The following SLC35F4 variants were observed in gnomAD, a reference collection of about 807,000 sequenced individuals.
SLC35F4 encodes the protein solute carrier family 35 member F4.
SLC35F4 carries 24 observed loss-of-function variants against 44.2 expected under a neutral mutation model. The ratio of observed to expected loss-of-function variants is 0.54; its 90% confidence interval spans 0.39 to 0.76. SLC35F4 has a LOEUF of 0.76. SLC35F4 is among the 30% of genes least tolerant of loss of function. The pLI is 0.00. For missense variants in SLC35F4, 562 were observed against 586.1 expected, an observed-to-expected ratio of 0.96 and a Z score of 0.42; for synonymous variants, 238 against 223.6, an observed-to-expected ratio of 1.06 and a Z score of -0.57.
At chr14:57,725,340 T>C (rs1232655655) in intron 1 of SLC35F4, among the ~76,000 whole-genome samples, 1 of 152,176 alleles carries the variant, frequency 6.6e-6, no homozygotes, top group Admixed American at 6.5e-5. Flanking sequence ...CACTGAGCCC[T>C]CGATATGGCA....
intron 1 of SLC35F4, among the ~76,000 whole-genome samples, chr14:57,894,444 C>A (rs772665786): frequency 8.5e-4 from 129 of 152,088 alleles, no homozygotes; most frequent in Non-Finnish European, 1.7e-3. Context: ...AACATGATAA[C>A]CTTTGAAAGA....
chr14:57,964,987 A>ATATAT (rs1241968437), intron 1 of SLC35F4, among the ~76,000 whole-genome samples: 33 of 131,408 alleles, frequency 2.5e-4, no homozygotes, highest in East Asian at 1.8e-3. Flanking sequence ...AAAAAAAAAA[A>ATATAT]AAAAATATAT....
intron 1 of SLC35F4, among the ~76,000 whole-genome samples, chr14:57,877,624 A>G (rs1595262759): frequency 6.8e-6 from 1 of 147,960 alleles, no homozygotes; most frequent in African/African-American, 2.5e-5. Flanking sequence ...CCAGTAGTAT[A>G]TAAGTGTTCC....
At chr14:57,927,220 C>A (rs1245088857) in intron 1 of SLC35F4, among the ~76,000 whole-genome samples, 1 of 152,150 alleles carries the variant, frequency 6.6e-6, no homozygotes, top group Non-Finnish European at 1.5e-5. Context: ...GAAGTGGTAG[C>A]TATTAAAGCT....
At chr14:57,966,920 G>C (rs1435203145) in intron 1 of SLC35F4, among the ~76,000 whole-genome samples, 1 of 151,980 alleles carries the variant, frequency 6.6e-6, no homozygotes, top group Non-Finnish European at 1.5e-5. Context: ...CGAGGCAGGA[G>C]AATCGCTTGA....
chr14:57,578,543 G>A (rs2068989866), intron 4 of SLC35F4: 1 of 151,654 alleles, frequency 6.6e-6, no homozygotes, highest in African/African-American at 2.4e-5. Context: ...ACTGTCAAAG[G>A]CAAAATGCTG....
chr14:57,582,998 G>T (rs2069404271), intron 3 of SLC35F4, among the ~76,000 whole-genome samples: 1 of 152,226 alleles, frequency 6.6e-6, no homozygotes, highest in African/African-American at 2.4e-5. Flanking sequence ...AAAGACATGT[G>T]TTGCACACAC....
intron 1 of SLC35F4, among the ~76,000 whole-genome samples, chr14:57,894,231 T>C (rs1264762274): frequency 1.2e-4 from 19 of 152,132 alleles, no homozygotes; most frequent in Admixed American, 9.8e-4. Context: ...AAGCACTATA[T>C]GAAATTGAGT....
chr14:57,738,839 G>A (rs1408886570), intron 1 of SLC35F4, among the ~76,000 whole-genome samples: 1 of 140,020 alleles, frequency 7.1e-6, no homozygotes, highest in Non-Finnish European at 1.5e-5. Context: ...TATAAGTACT[G>A]TATATATATA....
At chr14:57,768,984 C>T (rs541798768) in intron 1 of SLC35F4, among the ~76,000 whole-genome samples, 5 of 152,248 alleles carry the variant, frequency 3.3e-5, no homozygotes, top group African/African-American at 1.2e-4. Flanking sequence ...AACTCCCAAC[C>T]TCAACTGATT....
intron 1 of SLC35F4, among the ~76,000 whole-genome samples, chr14:57,740,006 T>C (rs565421846): frequency 1.6e-4 from 24 of 152,236 alleles, no homozygotes; most frequent in Middle Eastern, 6.8e-3. Context: ...TTTACAGGCA[T>C]GGACCACCAT....
At chr14:57,836,001 G>A (rs1461204042) in intron 1 of SLC35F4, among the ~76,000 whole-genome samples, 1 of 152,198 alleles carries the variant, frequency 6.6e-6, no homozygotes, top group Non-Finnish European at 1.5e-5. Context: ...CAAGATGCAG[G>A]TTGTGAGAGG....
chr14:57,692,205 C>T (rs749081971), intron 1 of SLC35F4, among the ~76,000 whole-genome samples: 9 of 152,114 alleles, frequency 5.9e-5, no homozygotes, highest in African/African-American at 1.9e-4. Flanking sequence ...CCTAGTACGA[C>T]GAAGTTCTAC....
chr14:57,723,351 T>A (rs1308156090), intron 1 of SLC35F4, among the ~76,000 whole-genome samples: 1 of 152,202 alleles, frequency 6.6e-6, no homozygotes, highest in Non-Finnish European at 1.5e-5. Context: ...AGAAAAATAG[T>A]AAATCAAAAA....
At chr14:57,652,895 A>C (rs1035657738) in intron 1 of SLC35F4, among the ~76,000 whole-genome samples, 4 of 152,196 alleles carry the variant, frequency 2.6e-5, no homozygotes, top group African/African-American at 9.6e-5. Context: ...TTCATCTTGC[A>C]ATCAATTCTA....
intron 1 of SLC35F4, among the ~76,000 whole-genome samples, chr14:57,806,209 A>C (rs536646249): frequency 6.6e-6 from 1 of 152,330 alleles, no homozygotes; most frequent in African/African-American, 2.4e-5. Flanking sequence ...TCTGATCTTC[A>C]AAAGTTTTGT....
intron 1 of SLC35F4, among the ~76,000 whole-genome samples, chr14:57,921,982 G>A (rs1454683492): frequency 6.6e-6 from 1 of 152,156 alleles, no homozygotes; most frequent in Non-Finnish European, 1.5e-5. Context: ...TGGGGTTGGA[G>A]TTTCAGGCCA....
chr14:57,968,505 G>T (rs945122963), intron 1 of SLC35F4, among the ~76,000 whole-genome samples: 4 of 152,200 alleles, frequency 2.6e-5, no homozygotes, highest in Admixed American at 2.6e-4. Flanking sequence ...TCCTAATAGT[G>T]CTGCAAGTGC....
intron 1 of SLC35F4, among the ~76,000 whole-genome samples, chr14:57,878,242 T>C (rs752800131): frequency 1.4e-4 from 22 of 152,202 alleles, no homozygotes; most frequent in Non-Finnish European, 2.9e-5. Context: ...GCAAGTATTT[T>C]CTCCCATTCT....
Sources: allele counts gnomAD v4.1 joint callset (sites outside exome capture counted in the v4.1 genomes callset), GRCh38; gene constraint gnomAD v4.1.1; transcripts MANE v1.5; gene names NCBI Gene and HGNC (gene_info 2026-07-23, HGNC 2026-07-21).